The following SPIDR variants were observed in gnomAD, a reference collection of about 807,000 sequenced individuals.
SPIDR encodes scaffold protein involved in DNA repair.
SPIDR carries 93 observed loss-of-function variants against 104.6 expected under a neutral mutation model. That is an observed-to-expected ratio of 0.89 (90% CI 0.75 to 1.06). The LOEUF is 1.06. SPIDR is among the 50% of genes least tolerant of loss of function. The probability of loss-of-function intolerance (pLI) is 0.00; values close to 1 mark genes in which losing one functional copy is unlikely to be tolerated. For synonymous variants in SPIDR, 431 were observed against 416.9 expected (o/e 1.03, Z -0.41); for missense variants, 1,154 against 1,111.2 (o/e 1.04, Z -0.55).
intron 8 of SPIDR, among the ~76,000 whole-genome samples, chr8:47,556,273 A>C (rs10090740): frequency 0.015 from 2,245 of 152,266 alleles, 62 homozygotes; most frequent in African/African-American, 0.05. Context: ...ATTTTTGTTC[A>C]CTGGCTTAGC....
intron 11 of SPIDR, among the ~76,000 whole-genome samples, chr8:47,674,265 G>T (rs1377391529): frequency 6.6e-6 from 1 of 152,144 alleles, no homozygotes; most frequent in Non-Finnish European, 1.5e-5. Context: ...TCTTTGGGTG[G>T]TAGGTTGTGT....
intron 8 of SPIDR, among the ~76,000 whole-genome samples, chr8:47,571,165 A>G (rs898505030): frequency 1.3e-5 from 2 of 152,030 alleles, no homozygotes; most frequent in Non-Finnish European, 2.9e-5. Context: ...AGAAATGGAG[A>G]GATATTAGTT....
At chr8:47,511,602 A>G (rs1015240226) in intron 8 of SPIDR, 1 of 787,094 alleles carries the variant, frequency 1.3e-6, no homozygotes, top group South Asian at 1.3e-5. Flanking sequence ...TCAGTACTAC[A>G]TGAACATCTT....
rs1042849462 is a variant in SPIDR at position 47,314,034 on chromosome 8, C to T, written c.525+20004C>T. ...TTGGTAAAAATGTAAGTCTTCCCCA[C>T]TCCATTAAGAAATATACAGTTGTGA... On this transcript the variant is annotated intron_variant, in intron 5 of 19. Transcript: ENST00000297423. 5.3e-5 allele frequency among the ~76,000 whole-genome samples: 8 copies of T among 152,312 alleles called. No homozygotes were observed. In the East Asian group the frequency reaches 1.5e-3, roughly 29 times the overall value.
chr8:47,328,582 C>T (rs1397510318), intron 5 of SPIDR, among the ~76,000 whole-genome samples: 6 of 151,960 alleles, frequency 3.9e-5, no homozygotes, highest in South Asian at 4.2e-4. Flanking sequence ...TATGGAAATC[C>T]GGTTGTCCCA....
chr8:47,699,579 G>A (rs2079849680), intron 11 of SPIDR, among the ~76,000 whole-genome samples: 1 of 151,760 alleles, frequency 6.6e-6, no homozygotes, highest in Non-Finnish European at 1.5e-5. Context: ...TTTTGAGACG[G>A]AGTTTGGCTC....
At chr8:47,540,155 A>G (rs1023980363) in intron 8 of SPIDR, among the ~76,000 whole-genome samples, 12 of 152,162 alleles carry the variant, frequency 7.9e-5, no homozygotes, top group Non-Finnish European at 1.6e-4. Flanking sequence ...ACTTTTTTGA[A>G]TAATATCATA....
At chr8:47,338,149 C>G (rs1554611064) in intron 5 of SPIDR, among the ~76,000 whole-genome samples, 1 of 152,112 alleles carries the variant, frequency 6.6e-6, no homozygotes, top group African/African-American at 2.4e-5. Flanking sequence ...TTGCCTGTCC[C>G]TTTCCTGGTG....
At chr8:47,666,079 C>T (rs957103266) in intron 10 of SPIDR, among the ~76,000 whole-genome samples, 5 of 152,124 alleles carry the variant, frequency 3.3e-5, no homozygotes, top group African/African-American at 1.2e-4. Flanking sequence ...GTTGATTAAC[C>T]AATTTTTAAG....
At chr8:47,321,074 G>A (rs2046473041) in intron 5 of SPIDR, among the ~76,000 whole-genome samples, 2 of 152,158 alleles carry the variant, frequency 1.3e-5, no homozygotes, top group Admixed American at 6.5e-5. Context: ...ATTCAACATG[G>A]TGTTGGAAGT....
intron 17 of SPIDR, among the ~76,000 whole-genome samples, chr8:47,727,688 C>G (rs1005330828): frequency 6.6e-5 from 10 of 152,202 alleles, no homozygotes; most frequent in Non-Finnish European, 1.2e-4. Flanking sequence ...GATGTCCCTG[C>G]CCACCCCACT....
At chr8:47,490,321 T>C (rs2078469417) in intron 8 of SPIDR, among the ~76,000 whole-genome samples, 1 of 152,150 alleles carries the variant, frequency 6.6e-6, no homozygotes, top group Admixed American at 6.5e-5. Flanking sequence ...CCAGTTAGAA[T>C]GGCGATCATT....
At chr8:47,643,318 T>C (rs1489647512) in intron 10 of SPIDR, among the ~76,000 whole-genome samples, 1 of 152,216 alleles carries the variant, frequency 6.6e-6, no homozygotes, top group South Asian at 2.1e-4. Flanking sequence ...GCCATACTTC[T>C]ATAACTGCAA....
intron 19 of SPIDR, among the ~76,000 whole-genome samples, chr8:47,733,527 G>A (rs1209119632): frequency 1.3e-5 from 2 of 151,008 alleles, no homozygotes; most frequent in East Asian, 1.9e-4. Flanking sequence ...AGGGTCATCT[G>A]TTTCACACTT....
At chr8:47,266,670 C>G (rs1199209046) in intron 1 of SPIDR, among the ~76,000 whole-genome samples, 1 of 152,134 alleles carries the variant, frequency 6.6e-6, no homozygotes, top group African/African-American at 2.4e-5. Flanking sequence ...ATGTTTAACT[C>G]TATAAGAAAC....
At chr8:47,261,606 C>T (rs942837777) in intron 1 of SPIDR, among the ~76,000 whole-genome samples, 3 of 152,202 alleles carry the variant, frequency 2.0e-5, no homozygotes, top group African/African-American at 4.8e-5. Flanking sequence ...AAAGTTTCTT[C>T]TAACTTCCTT....
At chr8:47,331,527 T>A (rs2048661992) in intron 5 of SPIDR, among the ~76,000 whole-genome samples, 3 of 152,190 alleles carry the variant, frequency 2.0e-5, no homozygotes. Flanking sequence ...TAAACAGTGG[T>A]ATACATGTAT....
At chr8:47,317,666 C>T (rs1351961929) in intron 5 of SPIDR, among the ~76,000 whole-genome samples, 1 of 152,090 alleles carries the variant, frequency 6.6e-6, no homozygotes, top group East Asian at 1.9e-4. Flanking sequence ...GTCCCTGACC[C>T]CCCCGAGTAG....
At chr8:47,346,399 T>A (rs1424954557) in intron 5 of SPIDR, among the ~76,000 whole-genome samples, 2 of 152,228 alleles carry the variant, frequency 1.3e-5, no homozygotes, top group African/African-American at 4.8e-5. Context: ...TTTGCATTGA[T>A]GTTCATCAGG....
Sources: allele counts gnomAD v4.1 joint callset (sites outside exome capture counted in the v4.1 genomes callset), GRCh38; gene constraint gnomAD v4.1.1; transcripts MANE v1.5; gene names NCBI Gene and HGNC (gene_info 2026-07-23, HGNC 2026-07-21).